The following DNAJC5 variants were observed in gnomAD, a reference collection of about 807,000 sequenced individuals.
DNAJC5 encodes the protein DnaJ heat shock protein family (Hsp40) member C5, also known as dnaJ homolog subfamily C member 5.
A neutral mutation model predicts 23.2 loss-of-function variants in DNAJC5; 1 was observed. The ratio of observed to expected loss-of-function variants is 0.04; its 90% CI spans 0.02 to 0.20. The LOEUF is 0.20. Among genes scored for constraint, DNAJC5 ranks in the 10% least tolerant of loss-of-function variants. The probability of loss-of-function intolerance (pLI) is 1.00; values close to 1 mark genes in which losing one functional copy is unlikely to be tolerated. For synonymous variants in DNAJC5, 136 were observed against 120.0 expected, an observed-to-expected ratio of 1.13 and a Z score of -0.87; for missense variants, 180 against 267.0, an observed-to-expected ratio of 0.67 and a Z score of 2.27.
Position 63,931,404 on chromosome 20 carries a change from C to T in DNAJC5, c.494-61C>T. On this transcript the variant is annotated intron_variant, in intron 4 of 4. Coordinates refer to ENST00000360864, the MANE Select transcript of DNAJC5 (RefSeq NM_025219.3). The surrounding 1 kb of genome is among the most constrained non-coding windows in gnomAD (Gnocchi z 9.6). ...GTGCCCGAAAGTCGCTCCACAGGAC[C>T]AGCGTTGGGTGCGCGCCAGGCTGTG... 1.4e-6 allele frequency: 2 copies of T among 1,467,026 alleles called. No homozygotes were observed. Among genetic ancestry groups the T allele is most frequent in the Admixed American group, 2.0e-5 (1 of 50,926 alleles). 90.9% of individuals were successfully genotyped at this position (1,467,026 alleles called of 1,614,324 possible).
intron 1 of DNAJC5, among the ~76,000 whole-genome samples, chr20:63,923,271 G>A (rs2053586318): frequency 6.6e-6 from 1 of 152,082 alleles, no homozygotes. Context: ...GCCAGACCGT[G>A]TCTCTATAGA....
In DNAJC5 at chr20:63,920,962, A is replaced by C. The variant is rs2053566274; in HGVS notation, c.-11-7373A>C. Among the ~76,000 whole-genome samples the C allele has an allele frequency of 6.7e-6, 1 of 149,312 alleles. No individual in the cohort carries two copies. ...CCCAAAGCCTTGTTTGCTTTTTTTT[A>C]TTTTGTTTTGTTTTGAGACGGAGTT... On this transcript the variant is annotated intron_variant, in intron 1 of 4. Transcript: ENST00000360864. This position sits in a 1 kb window ranked among gnomAD's most constrained non-coding sequence, Gnocchi z 4.6.
At chr20:63,906,601 G>A (rs2053449982) in intron 1 of DNAJC5, among the ~76,000 whole-genome samples, 1 of 151,906 alleles carries the variant, frequency 6.6e-6, no homozygotes, top group Non-Finnish European at 1.5e-5. Flanking sequence ...TGGCTAACAC[G>A]ATGAAACCCC....
chr20:63,896,876 G>A (rs993019061), intron 1 of DNAJC5, among the ~76,000 whole-genome samples: 14 of 152,278 alleles, frequency 9.2e-5, no homozygotes, highest in African/African-American at 2.9e-4. Context: ...GCAGCTGTGC[G>A]TGGTGCTGGC....
intron 1 of DNAJC5, among the ~76,000 whole-genome samples, chr20:63,900,576 CAAAAAAAA>C (rs752326573): frequency 1.8e-4 from 12 of 65,270 alleles, no homozygotes; most frequent in South Asian, 1.3e-3. Flanking sequence ...GACACTGTCT[CAAAAAAAA>C]AAAAAAAAAA....
At position 63,933,470 on chromosome 20, in the gene DNAJC5, A is replaced by C. The variant is rs2053691540; in HGVS notation, c.*1902A>C. On this transcript the variant is annotated 3_prime_UTR_variant, in exon 5 of 5. Coordinates refer to ENST00000360864, the MANE Select transcript of DNAJC5 (RefSeq NM_025219.3). Reference sequence around the variant, plus strand: ...CTTTTCTTTGTTTCTTCTCACTAAAATGATCACGAAGACCTTTGACAAGAG... The same window carrying C: ...CTTTTCTTTGTTTCTTCTCACTAAACTGATCACGAAGACCTTTGACAAGAG... The C allele has an allele frequency of 6.6e-6, 1 of 152,348 alleles. No homozygotes were observed. The highest frequency in any genetic ancestry group is 2.4e-5 in the African/African-American group (1 of 41,452). 9.4% of individuals were successfully genotyped at this position (152,348 alleles called of 1,614,324 possible). A position where few individuals can be genotyped will look rare whatever the true frequency, so the allele number is the denominator to read the frequency against.
At chr20:63,907,624 C>T (rs1251481806) in intron 1 of DNAJC5, among the ~76,000 whole-genome samples, 1 of 152,174 alleles carries the variant, frequency 6.6e-6, no homozygotes, top group East Asian at 1.9e-4. Flanking sequence ...CAGTAGATGG[C>T]AGGCACGTGG....
chr20:63,900,447 A>T (rs2053404274), intron 1 of DNAJC5, among the ~76,000 whole-genome samples: 1 of 151,850 alleles, frequency 6.6e-6, no homozygotes, highest in Admixed American at 6.6e-5. Flanking sequence ...GTATGGTGAC[A>T]TGCAGCTGTA....
At chr20:63,917,439 G>A (rs1436470223) in intron 1 of DNAJC5, among the ~76,000 whole-genome samples, 1 of 152,170 alleles carries the variant, frequency 6.6e-6, no homozygotes, top group Non-Finnish European at 1.5e-5. Flanking sequence ...TTTCTGTAGA[G>A]ATGGGGTTTC....
rs1306801393 is a variant in DNAJC5, at chr20:63,895,322, AGGTGAGCTCGCTGCGGGTCGGGCGGGCG to A, written c.-12+1_-12+28del. 1.0e-4 allele frequency: 15 copies of A among 145,202 alleles called. No homozygotes were observed. The highest frequency in any genetic ancestry group is 2.0e-4 in the Non-Finnish European group (13 of 65,188). The allele number at this position is 145,202 out of a possible 1,614,324, so 9.0% of individuals were successfully genotyped here. On this transcript the variant is annotated splice_donor_variant and splice_donor_5th_base_variant and 5_prime_UTR_variant and intron_variant, in exon 1 of 5. Coordinates refer to ENST00000360864, the MANE Select transcript of DNAJC5 (RefSeq NM_025219.3). LOFTEE classifies it low-confidence loss of function (5UTR_SPLICE). ...AGGGCGGGCGGGCGGGCGGACGGGCAGGTGAGCTCGCTGCGGGTCGGGCGGGCGGATCGGCCCACGTCAGGCCCGGGCA... is the reference window on the plus strand; with the variant it reads ...AGGGCGGGCGGGCGGGCGGACGGGCAGATCGGCCCACGTCAGGCCCGGGCA...
chr20:63,929,584 GAGTCTCTCCTGCCGTGCGGGCA>G lies in DNAJC5; in HGVS notation c.321+60_321+81del. 6.3e-7 allele frequency: 1 copy of G among 1,585,832 alleles called. No homozygotes were observed. Among genetic ancestry groups the G allele is most frequent in the Non-Finnish European group, 8.6e-7 (1 of 1,164,714 alleles). On this transcript the variant is annotated intron_variant, in intron 3 of 4. Transcript: ENST00000360864. The surrounding 1 kb of genome is among the most constrained non-coding windows in gnomAD (Gnocchi z 8.6). ...AGTCACTCCTGCCGTGCGGGCACCCGAGTCTCTCCTGCCGTGCGGGCACCCGAGTCACTCCTGCCGTGCGGGC... is the reference window on the plus strand; with the variant it reads ...AGTCACTCCTGCCGTGCGGGCACCCGCCCGAGTCACTCCTGCCGTGCGGGC...
chr20:63,910,305 G>T (rs892509027), intron 1 of DNAJC5, among the ~76,000 whole-genome samples: 1 of 152,182 alleles, frequency 6.6e-6, no homozygotes, highest in African/African-American at 2.4e-5. Context: ...AGCACTTTGG[G>T]AGGCGGGGGT....
At chr20:63,919,194 C>T (rs1190458617) in intron 1 of DNAJC5, among the ~76,000 whole-genome samples, 1 of 152,202 alleles carries the variant, frequency 6.6e-6, no homozygotes, top group African/African-American at 2.4e-5. Flanking sequence ...CAAGCTGCTG[C>T]ATTCTGAGGA....
In DNAJC5 at chr20:63,896,021, G is replaced by A. The variant is rs560739614; in HGVS notation, c.-12+698G>A. On this transcript the variant is annotated intron_variant, in intron 1 of 4. Transcript: ENST00000360864. Reference sequence around the variant, plus strand: ...AGCCATGATTTCTCAAATTCATTCAGTTGTGTCATACAGGAAAAGGAAGCA... The same window carrying A: ...AGCCATGATTTCTCAAATTCATTCAATTGTGTCATACAGGAAAAGGAAGCA... Among the ~76,000 whole-genome samples the A allele has an allele frequency of 1.6e-4, 24 of 152,294 alleles. 1 individual carries two copies. The East Asian group carries it at 3.7e-3, about 23-fold the overall frequency.
chr20:63,914,988 TCAAAATGGAG>T (rs2053506851), intron 1 of DNAJC5, among the ~76,000 whole-genome samples: 1 of 152,088 alleles, frequency 6.6e-6, no homozygotes, highest in Non-Finnish European at 1.5e-5. Context: ...TAAAGAACGC[TCAAAATGGAG>T]CAAAATGGAG....
intron 1 of DNAJC5, among the ~76,000 whole-genome samples, chr20:63,911,329 G>A (rs1030784666): frequency 3.2e-4 from 49 of 152,172 alleles, no homozygotes; most frequent in Non-Finnish European, 6.8e-4. Flanking sequence ...AGGTGTGGCC[G>A]CTGGTCTTGT....
At position 63,931,648 on chromosome 20, in the gene DNAJC5, A is replaced by G. The variant is rs886056936; in HGVS notation, c.*80A>G. The G allele has an allele frequency of 1.1e-5, 16 of 1,407,534 alleles. No homozygotes were observed. Among genetic ancestry groups the G allele is most frequent in the Non-Finnish European group, 1.4e-5 (14 of 1,029,566 alleles). The allele number at this position is 1,407,534 out of a possible 1,614,324, so 87.2% of individuals were successfully genotyped here. On this transcript the variant is annotated 3_prime_UTR_variant, in exon 5 of 5. Transcript: ENST00000360864. The surrounding 1 kb of genome is among the most constrained non-coding windows in gnomAD (Gnocchi z 9.6). ...AGAATCATGAACTGTAGTCACAGAG[A>G]TGGGAAGGCAGCCTCCTGCCTGCCC...
chr20:63,922,541 G>A (rs2053581678), intron 1 of DNAJC5, among the ~76,000 whole-genome samples: 1 of 151,772 alleles, frequency 6.6e-6, no homozygotes, highest in Non-Finnish European at 1.5e-5. Flanking sequence ...ATGACCCAAG[G>A]CAGGAGGATC....
chr20:63,899,103 G>A (rs972493344), intron 1 of DNAJC5, among the ~76,000 whole-genome samples: 11 of 152,208 alleles, frequency 7.2e-5, no homozygotes, highest in Admixed American at 5.2e-4. Flanking sequence ...GTCAGATGAG[G>A]GTAGTGGTGC....
Sources: gnomAD v4.1 joint callset for allele counts (sites outside exome capture counted in the v4.1 genomes callset) on GRCh38, gnomAD v4.1.1 for gene constraint, Gnocchi (gnomAD v3.1) non-coding constraint, MANE v1.5 for transcripts, NCBI Gene and HGNC (gene_info 2026-07-23, HGNC 2026-07-21) for gene names.